TMEM132D: variants seen among roughly 807,000 people sequenced by gnomAD.
The protein encoded by TMEM132D is mature OL transmembrane protein.
TMEM132D carries 21 observed loss-of-function variants against 62.3 expected under a neutral mutation model. The observed-to-expected ratio is 0.34, with a 90% CI of 0.24 to 0.49. TMEM132D has a LOEUF of 0.49. Among genes scored for constraint, TMEM132D ranks in the 20% least tolerant of loss-of-function variants. The probability of loss-of-function intolerance (pLI) is 0.99; values close to 1 mark genes in which losing one functional copy is unlikely to be tolerated. For synonymous variants in TMEM132D, 621 were observed against 575.6 expected (o/e 1.08, Z -1.13); for missense variants, 1,346 against 1,402.8 (o/e 0.96, Z 0.65).
chr12:129,475,296 C>T (rs527693091), intron 3 of TMEM132D, among the ~76,000 whole-genome samples: 16 of 152,216 alleles, frequency 1.1e-4, no homozygotes, highest in Admixed American at 6.5e-4. Context: ...CCACTGTGGC[C>T]GGACCTTACT....
intron 2 of TMEM132D, among the ~76,000 whole-genome samples, chr12:129,634,324 AT>A (rs1236161010): frequency 6.8e-6 from 1 of 147,806 alleles, no homozygotes; most frequent in Non-Finnish European, 1.5e-5. Flanking sequence ...AAAAAAAAAA[AT>A]TAGCGGGGTA....
At chr12:129,671,256 T>C (rs1454340104) in intron 2 of TMEM132D, among the ~76,000 whole-genome samples, 3 of 152,174 alleles carry the variant, frequency 2.0e-5, no homozygotes, top group Non-Finnish European at 1.5e-5. Flanking sequence ...GGGAAGAGAA[T>C]AACTTAAAAG....
intron 2 of TMEM132D, among the ~76,000 whole-genome samples, chr12:129,694,036 A>G (rs1881133540): frequency 6.6e-6 from 1 of 152,184 alleles, no homozygotes; most frequent in South Asian, 2.1e-4. Flanking sequence ...TCTCTGGTGT[A>G]CTATCTATAC....
chr12:129,694,048 A>C (rs1429975963), intron 2 of TMEM132D, among the ~76,000 whole-genome samples: 2 of 152,194 alleles, frequency 1.3e-5, no homozygotes, highest in African/African-American at 2.4e-5. Flanking sequence ...TATCTATACT[A>C]AACTTCACTT....
In TMEM132D at chr12:129,605,612, C is replaced by CACAT. The variant is rs1400941127; in HGVS notation, c.969-74408_969-74407insATGT. Among the ~76,000 whole-genome samples the CACAT allele has an allele frequency of 3.0e-4, 23 of 77,256 alleles. No individual in the cohort carries two copies. The East Asian group carries it at 3.2e-3, about 11-fold the overall frequency. The allele number at this position is 77,256 out of a possible 152,430, so 50.7% of individuals were successfully genotyped here. ...TTATATATATATATATATACACACA[C>CACAT]ATATATATATACACACACACACACA... On this transcript the variant is annotated intron_variant, in intron 2 of 8. Coordinates refer to ENST00000422113, the MANE Select transcript of TMEM132D (RefSeq NM_133448.3).
chr12:129,455,157 G>C (rs1873427612), intron 3 of TMEM132D, among the ~76,000 whole-genome samples: 1 of 152,196 alleles, frequency 6.6e-6, no homozygotes, highest in Non-Finnish European at 1.5e-5. Flanking sequence ...CCAGCATTAT[G>C]AAAGTGTATT....
intron 3 of TMEM132D, among the ~76,000 whole-genome samples, chr12:129,344,713 A>T (rs1288526177): frequency 6.6e-6 from 1 of 152,044 alleles, no homozygotes; most frequent in African/African-American, 2.4e-5. Context: ...TTGCTGCATG[A>T]ATCAATTTCT....
intron 4 of TMEM132D, among the ~76,000 whole-genome samples, chr12:129,224,914 A>T (rs1479273987): frequency 6.6e-6 from 1 of 152,130 alleles, no homozygotes; most frequent in Non-Finnish European, 1.5e-5. Context: ...CAAATGCTAC[A>T]TCTTCCTTGA....
chr12:129,435,893 A>T (rs1410182774), intron 3 of TMEM132D, among the ~76,000 whole-genome samples: 1 of 152,172 alleles, frequency 6.6e-6, no homozygotes, highest in Non-Finnish European at 1.5e-5. Flanking sequence ...TTTTACTCTG[A>T]TCAGCCAAAA....
chr12:129,212,784 A>C (rs1215684536), intron 4 of TMEM132D: 8 of 152,188 alleles, frequency 5.3e-5, no homozygotes, highest in Non-Finnish European at 8.8e-5. Context: ...AACTTTAGGC[A>C]CTCCAGAGTC....
chr12:129,148,131 A>G (rs1876966400), intron 5 of TMEM132D, among the ~76,000 whole-genome samples: 1 of 152,082 alleles, frequency 6.6e-6, no homozygotes, highest in African/African-American at 2.4e-5. Context: ...GAAGCCTATG[A>G]GCTTATTGAG....
At chr12:129,721,328 A>C (rs1335262826) in intron 1 of TMEM132D, among the ~76,000 whole-genome samples, 1 of 152,074 alleles carries the variant, frequency 6.6e-6, no homozygotes, top group Non-Finnish European at 1.5e-5. Context: ...AGAGGGTCCT[A>C]TCTGGATGTG....
intron 3 of TMEM132D, among the ~76,000 whole-genome samples, chr12:129,422,604 T>C (rs1172015960): frequency 6.6e-6 from 1 of 152,208 alleles, no homozygotes; most frequent in Non-Finnish European, 1.5e-5. Flanking sequence ...ATAAATTGCA[T>C]TAACTTTCTG....
At chr12:129,754,485 G>A (rs553750824) in intron 1 of TMEM132D, among the ~76,000 whole-genome samples, 39 of 152,256 alleles carry the variant, frequency 2.6e-4, no homozygotes, top group African/African-American at 7.9e-4. Flanking sequence ...TCCAGGTTGT[G>A]ACTGATAGAA....
intron 2 of TMEM132D, among the ~76,000 whole-genome samples, chr12:129,649,073 TG>T (rs1404085218): frequency 2.6e-5 from 4 of 152,260 alleles, no homozygotes; most frequent in African/African-American, 9.6e-5. Flanking sequence ...GCAAAGTAGA[TG>T]GTTTTTGACC....
In TMEM132D at chr12:129,903,370, C is replaced by T; in HGVS notation, c.-31G>A. ...AGACCCGGAGCGCAGATCCTCCGCT[C>T]CCCGGCGCCGTCCAGGCGAACAAGA... On this transcript the variant is annotated 5_prime_UTR_variant, in exon 1 of 9. Coordinates refer to ENST00000422113, the MANE Select transcript of TMEM132D (RefSeq NM_133448.3). The surrounding 1 kb of genome is among the most constrained non-coding windows in gnomAD (Gnocchi z 6.2). 1 of 1,549,280 alleles carries T rather than the reference C, an allele frequency of 6.5e-7. No individual in the cohort carries two copies. The highest frequency in any genetic ancestry group is 8.7e-7 in the Non-Finnish European group (1 of 1,145,154).
intron 1 of TMEM132D, among the ~76,000 whole-genome samples, chr12:129,874,525 A>G (rs1874352222): frequency 6.6e-6 from 1 of 151,558 alleles, no homozygotes; most frequent in African/African-American, 2.4e-5. Context: ...TGTATATCAA[A>G]TCATCATGTC....
intron 3 of TMEM132D, among the ~76,000 whole-genome samples, chr12:129,395,759 AATAT>A (rs1871407891): frequency 6.7e-6 from 1 of 148,936 alleles, no homozygotes; most frequent in Non-Finnish European, 1.5e-5. Flanking sequence ...CTATAGATAA[AATAT>A]ATATCTATAT....
chr12:129,862,818 C>T (rs1360006871), intron 1 of TMEM132D, among the ~76,000 whole-genome samples: 3 of 151,504 alleles, frequency 2.0e-5, no homozygotes, highest in African/African-American at 7.3e-5. Flanking sequence ...AAAGCTGACA[C>T]AGCCTAGGCT....
Sources: allele counts gnomAD v4.1 joint callset (sites outside exome capture counted in the v4.1 genomes callset), GRCh38; gene constraint gnomAD v4.1.1; non-coding constraint Gnocchi (gnomAD v3.1); transcripts MANE v1.5; gene names NCBI Gene and HGNC (gene_info 2026-07-23, HGNC 2026-07-21).